Variants in TTC7A observed in about 807,000 individuals in gnomAD.
TTC7A encodes the protein tetratricopeptide repeat domain 7A, also known as tetratricopeptide repeat protein 7A.
In TTC7A, 110 loss-of-function variants were observed where a neutral mutation model predicts 103.7. That is an observed-to-expected ratio of 1.06 (90% CI 0.91 to 1.24). The LOEUF is 1.24. Ranked by LOEUF, TTC7A falls within the 50% of genes most tolerant of loss-of-function variation. The pLI is 0.00. For synonymous variants in TTC7A, 521 were observed against 467.9 expected (o/e 1.11, Z -1.47); for missense variants, 1,340 against 1,116.3 (o/e 1.20, Z -2.86).
At chr2:47,070,273 C>T (rs980713272) in intron 19 of TTC7A, among the ~76,000 whole-genome samples, 1 of 152,266 alleles carries the variant, frequency 6.6e-6, no homozygotes, top group African/African-American at 2.4e-5. Flanking sequence ...CACAGGGAGG[C>T]TCCCCACTGA....
chr2:47,013,849 T>C (rs1678333603), intron 11 of TTC7A, among the ~76,000 whole-genome samples: 1 of 152,206 alleles, frequency 6.6e-6, no homozygotes, highest in South Asian at 2.1e-4. Flanking sequence ...TAACTTCAGC[T>C]GAGCAGCATA....
chr2:47,068,797 A>G (rs1187359918), intron 19 of TTC7A, among the ~76,000 whole-genome samples: 1 of 150,606 alleles, frequency 6.6e-6, no homozygotes, highest in Non-Finnish European at 1.5e-5. Flanking sequence ...GAAGCCTGTC[A>G]TAGATTCAGA....
chr2:46,916,242 T>C (rs1046690551), exon 1 of TTC7A: 2 of 887,062 alleles, frequency 2.3e-6, no homozygotes, highest in Middle Eastern at 5.7e-4. Flanking sequence ...TAATTCCTTC[T>C]TGATGAAACG....
upstream of TTC7A, among the ~76,000 whole-genome samples, chr2:46,940,683 C>T (rs1428791326): frequency 1.3e-5 from 2 of 152,220 alleles, no homozygotes; most frequent in African/African-American, 4.8e-5. This position sits in a 1 kb window ranked among gnomAD's most constrained non-coding sequence, Gnocchi z 4.7. Context: ...AGGAACTCCG[C>T]TAAAATAAGA....
At position 46,995,175 on chromosome 2, in the gene TTC7A, GCTC is replaced by G. The variant is rs555166659; in HGVS notation, c.1048_1050del (p.Leu350del). The G allele has an allele frequency of 1.9e-6, 3 of 1,614,052 alleles. No individual in the cohort carries two copies. The highest frequency in any genetic ancestry group is 2.5e-6 in the Non-Finnish European group (3 of 1,180,034). On this transcript the variant is annotated inframe_deletion, in exon 8 of 20. Coordinates refer to ENST00000319190, the MANE Select transcript of TTC7A (RefSeq NM_020458.4). Reference sequence around the variant, plus strand: ...AGGACAACATCGAGGAAGCCCTCCTGCTCCTCCTCATCAGCGAATCCATGGTAA... The same window carrying G: ...AGGACAACATCGAGGAAGCCCTCCTGCTCCTCATCAGCGAATCCATGGTAA...
At chr2:46,957,127 G>A in intron 3 of TTC7A, 120 bp downstream of exon 3, 4 of 1,318,318 alleles carry the variant, frequency 3.0e-6, no homozygotes, top group Non-Finnish European at 4.2e-6. Flanking sequence ...CCATGCCCTG[G>A]CACTGGTGTC....
At chr2:47,025,456 G>A (rs1044734276) in intron 14 of TTC7A, among the ~76,000 whole-genome samples, 5 of 152,146 alleles carry the variant, frequency 3.3e-5, no homozygotes, top group South Asian at 2.1e-4. Flanking sequence ...TCACTTCGGC[G>A]GGCTGCATTT....
chr2:47,044,841 T>C (rs961238272), intron 15 of TTC7A, among the ~76,000 whole-genome samples: 3 of 152,204 alleles, frequency 2.0e-5, no homozygotes, highest in African/African-American at 7.2e-5. Context: ...TATGGAAAGA[T>C]GGGCAGAGAG....
chr2:47,072,701 G>A (rs764769571), intron 19 of TTC7A, among the ~76,000 whole-genome samples: 1 of 152,178 alleles, frequency 6.6e-6, no homozygotes, highest in African/African-American at 2.4e-5. Flanking sequence ...TCCCGTCTTG[G>A]AACAAGAGAA....
In TTC7A at chr2:46,993,539, G is replaced by A. The variant is rs1348536522; in HGVS notation, c.843+11G>A. On this transcript the variant is annotated intron_variant, in intron 6 of 19. Transcript: ENST00000319190. ...CAGAACTTCAAAGTGGTAATGTGGG[G>A]TGCTGGCAGTGCTGGCTTATTTAGG... The A allele has an allele frequency of 2.2e-5, 35 of 1,612,684 alleles. No individual in the cohort carries two copies. The highest frequency in any genetic ancestry group is 2.9e-5 in the Non-Finnish European group (34 of 1,178,822).
At chr2:47,002,241 C>T (rs17540615) in intron 8 of TTC7A, among the ~76,000 whole-genome samples, 13,424 of 152,198 alleles carry the variant, frequency 0.088, 730 homozygotes, top group African/African-American at 0.12. Flanking sequence ...ATGGATTAAA[C>T]GGAGCAGTGC....
chr2:46,989,256 C>T (rs1675354000), intron 5 of TTC7A, among the ~76,000 whole-genome samples: 1 of 152,246 alleles, frequency 6.6e-6, no homozygotes, highest in Non-Finnish European at 1.5e-5. Context: ...CCTGGCTTCT[C>T]CCCACGCAGG....
intron 3 of TTC7A, chr2:46,974,639 G>GA: frequency 2.2e-6 from 1 of 462,874 alleles, no homozygotes; most frequent in Non-Finnish European, 4.3e-6. Flanking sequence ...AAAGAGGAAA[G>GA]AAAAAAATAA....
intron 6 of TTC7A, 62 bp from the exon 7 acceptor site, chr2:46,994,295 T>C (rs1675923956): frequency 1.3e-6 from 2 of 1,555,158 alleles, no homozygotes; most frequent in African/African-American, 2.7e-5. Flanking sequence ...GAGGGCGTTC[T>C]AGGTCATGCT....
intron 19 of TTC7A, among the ~76,000 whole-genome samples, chr2:47,071,531 C>T (rs1171055780): frequency 2.6e-5 from 4 of 152,200 alleles, no homozygotes; most frequent in African/African-American, 7.2e-5. Flanking sequence ...TCACAAGAGC[C>T]CCGCGAGGAA....
upstream of TTC7A, chr2:46,916,059 A>G: frequency 1.0e-6 from 1 of 985,434 alleles, no homozygotes; most frequent in Non-Finnish European, 1.2e-6. Flanking sequence ...TTGCTAGGCA[A>G]CGCCGGAAGC....
intron 5 of TTC7A, among the ~76,000 whole-genome samples, chr2:46,982,691 C>T (rs1179143034): frequency 6.6e-6 from 1 of 152,196 alleles, no homozygotes; most frequent in Non-Finnish European, 1.5e-5. Context: ...TCACAGCTGC[C>T]TGGAATTCAT....
chr2:46,963,769 T>C (rs2104098828), intron 3 of TTC7A, among the ~76,000 whole-genome samples: 3 of 152,286 alleles, frequency 2.0e-5, no homozygotes, highest in Middle Eastern at 3.4e-3. Context: ...GAGGTCTTCC[T>C]CAGCAGCTCC....
chr2:47,067,440 GC>G (rs1309613268), intron 19 of TTC7A, among the ~76,000 whole-genome samples: 1 of 152,232 alleles, frequency 6.6e-6, no homozygotes, highest in Non-Finnish European at 1.5e-5. Context: ...AGGGTCTTTG[GC>G]CCACATTTCC....
Sources: gnomAD v4.1 joint callset for allele counts (sites outside exome capture counted in the v4.1 genomes callset) on GRCh38, gnomAD v4.1.1 for gene constraint, Gnocchi (gnomAD v3.1) non-coding constraint, MANE v1.5 for transcripts, NCBI Gene and HGNC (gene_info 2026-07-23, HGNC 2026-07-21) for gene names.